The following SND1 variants were observed in gnomAD, a reference collection of about 807,000 sequenced individuals.
SND1 encodes the protein staphylococcal nuclease domain-containing protein 1.
A neutral mutation model predicts 121.7 loss-of-function variants in SND1; 38 were observed. The observed-to-expected ratio is 0.31, with a 90% CI of 0.24 to 0.41. The LOEUF (loss-of-function observed/expected upper bound fraction) is 0.41, where lower values mean the gene tolerates loss of function less well. Ranked by LOEUF, SND1 falls within the 10% of genes least tolerant of loss-of-function variation. The pLI is 1.00. For synonymous variants in SND1, 401 were observed against 447.4 expected (o/e 0.90, Z 1.31); for missense variants, 868 against 1,184.6 (o/e 0.73, Z 3.92).
chr7:127,756,245 G>A (rs769991411), intron 10 of SND1, among the ~76,000 whole-genome samples: 14 of 151,980 alleles, frequency 9.2e-5, no homozygotes, highest in Non-Finnish European at 1.8e-4. Context: ...TTCAGTTTGC[G>A]GCCTTTGATC....
In SND1 at chr7:127,701,348, T is replaced by G. The variant is rs1345126821; in HGVS notation, c.589+25T>G. Reference sequence around the variant, plus strand: ...GGTGAGGCTGGTGGGAACAGACAGATACGACTCAGGGTGATTTCTTTCTGT... The same window carrying G: ...GGTGAGGCTGGTGGGAACAGACAGAGACGACTCAGGGTGATTTCTTTCTGT... On this transcript the variant is annotated intron_variant, in intron 5 of 23. Transcript: ENST00000354725. 3.7e-6 allele frequency: 6 copies of G among 1,607,118 alleles called. No individual in the cohort carries two copies. The South Asian group carries it at 6.7e-5, about 18-fold the overall frequency.
In SND1 at chr7:127,704,898, G is replaced by C. The variant is rs368925468; in HGVS notation, c.900G>C (p.Ser300=). ...KEGFARCVDW[S]IAVYTRGAEK... Reference sequence around the variant, plus strand: ...GTTTCGCACGCTGTGTGGACTGGTCGATTGCAGTTTACACCCGGGGCGCAG... The same window carrying C: ...GTTTCGCACGCTGTGTGGACTGGTCCATTGCAGTTTACACCCGGGGCGCAG... The change falls in exon 8 of 24, where the codon TCG becomes TCC. Residue 300 remains serine, a synonymous_variant. Coordinates refer to ENST00000354725, the MANE Select transcript of SND1 (RefSeq NM_014390.4). The C allele has an allele frequency of 6.2e-7, 1 of 1,614,078 alleles. No homozygotes were observed. The highest frequency in any genetic ancestry group is 8.5e-7 in the Non-Finnish European group (1 of 1,179,974).
chr7:127,754,139 G>A (rs1230051815), intron 10 of SND1, among the ~76,000 whole-genome samples: 2 of 152,220 alleles, frequency 1.3e-5, no homozygotes, highest in Non-Finnish European at 2.9e-5. Context: ...TTGTGTCACA[G>A]TATCTTCTAT....
At position 127,706,504 on chromosome 7, in the gene SND1, C is replaced by T. The variant is rs562027731; in HGVS notation, c.948-1053C>T. Reference sequence around the variant, plus strand: ...CGATCTCCTGACCTCGTGATCCGCCCGCCTTGGCCTCCCAAAGTGCTGGGA... The same window carrying T: ...CGATCTCCTGACCTCGTGATCCGCCTGCCTTGGCCTCCCAAAGTGCTGGGA... On this transcript the variant is annotated intron_variant, in intron 8 of 23. Coordinates refer to ENST00000354725, the MANE Select transcript of SND1 (RefSeq NM_014390.4). 9.9e-5 allele frequency among the ~76,000 whole-genome samples: 15 copies of T among 152,172 alleles called. No individual in the cohort carries two copies. The South Asian group carries it at 2.1e-3, about 21-fold the overall frequency.
At chr7:128,001,144 C>T (rs967317755) in intron 16 of SND1, among the ~76,000 whole-genome samples, 1 of 152,146 alleles carries the variant, frequency 6.6e-6, no homozygotes, top group Non-Finnish European at 1.5e-5. Context: ...ATGAAAGTGA[C>T]CAATGGTCTG....
chr7:127,771,414 G>A (rs1797510752), intron 10 of SND1, among the ~76,000 whole-genome samples: 1 of 152,186 alleles, frequency 6.6e-6, no homozygotes, highest in African/African-American at 2.4e-5. Flanking sequence ...AGTTGGCACA[G>A]TATACTCTTA....
chr7:128,054,487 C>T (rs1793102619), intron 16 of SND1, among the ~76,000 whole-genome samples: 1 of 152,234 alleles, frequency 6.6e-6, no homozygotes, highest in Admixed American at 6.5e-5. Context: ...AGGTCCCCAC[C>T]TCACACATAG....
At chr7:127,948,057 AAGGGGAATAAAAT>A (rs1426390227) in intron 15 of SND1, among the ~76,000 whole-genome samples, 5 of 152,338 alleles carry the variant, frequency 3.3e-5, no homozygotes, top group African/African-American at 1.2e-4. Flanking sequence ...AACCTAATTC[AAGGGGAATAAAAT>A]AGGCGAAACA....
chr7:127,819,110 G>A (rs1251137474), intron 11 of SND1, among the ~76,000 whole-genome samples: 1 of 152,190 alleles, frequency 6.6e-6, no homozygotes. Context: ...GAGAATGTAA[G>A]CAAACAGTCA....
At chr7:127,685,803 G>A (rs1319212272) in intron 1 of SND1, 1 of 152,278 alleles carries the variant, frequency 6.6e-6, no homozygotes, top group Non-Finnish European at 1.5e-5. Context: ...CTGTCCACAA[G>A]GGACACTCTA....
At chr7:127,912,942 A>C (rs1388566042) in intron 14 of SND1, among the ~76,000 whole-genome samples, 1 of 152,236 alleles carries the variant, frequency 6.6e-6, no homozygotes, top group East Asian at 1.9e-4. Context: ...GTCTGGTTCC[A>C]AGTCTGTACC....
intron 13 of SND1, among the ~76,000 whole-genome samples, chr7:127,889,353 T>G (rs78219461): frequency 1.3e-5 from 2 of 148,794 alleles, no homozygotes; most frequent in Non-Finnish European, 3.0e-5. Flanking sequence ...TTCTGTTTTG[T>G]TTTTTTTTTA....
At chr7:128,009,410 G>A (rs760978640) in intron 16 of SND1, among the ~76,000 whole-genome samples, 19 of 152,212 alleles carry the variant, frequency 1.2e-4, no homozygotes, top group Non-Finnish European at 2.6e-4. Flanking sequence ...AAGGGGTTTC[G>A]GAAACTACTC....
At chr7:127,984,305 G>A (rs548402742) in intron 15 of SND1, among the ~76,000 whole-genome samples, 4 of 152,196 alleles carry the variant, frequency 2.6e-5, no homozygotes, top group South Asian at 2.1e-4. Flanking sequence ...GTTAAACCAC[G>A]TTCTCTAAAT....
chr7:127,844,444 T>A lies in SND1; in HGVS notation c.1343+20T>A. On this transcript the variant is annotated intron_variant, in intron 12 of 23. Transcript: ENST00000354725. ...AGGAATGTGAGTGTTCTGGCTGGCA[T>A]GGACTCAGCTGTCATCTCAAGTAGC... 1 of 1,578,552 alleles carries A rather than the reference T, an allele frequency of 6.3e-7. No individual in the cohort carries two copies.
intron 9 of SND1, among the ~76,000 whole-genome samples, chr7:127,720,776 C>T (rs115105081): frequency 2.6e-5 from 4 of 152,130 alleles, no homozygotes; most frequent in Non-Finnish European, 2.9e-5. Flanking sequence ...CATCTCCTTT[C>T]CCATGCTGAG....
At position 127,704,096 on chromosome 7, in the gene SND1, C is replaced by G. The variant is rs963400632; in HGVS notation, c.841-743C>G. 5.9e-5 allele frequency among the ~76,000 whole-genome samples: 9 copies of G among 152,142 alleles called. No homozygotes were observed. The East Asian group carries it at 1.7e-3, about 29-fold the overall frequency. ...GTAGGTTCTTTATGTTCTTATAGTT[C>G]CGATTCTTGGATGTTTTACCTTATT... is the stretch of plus-strand genomic sequence containing the variant. On this transcript the variant is annotated intron_variant, in intron 7 of 23. Transcript: ENST00000354725.
At chr7:127,735,621 T>G (rs187682818) in intron 10 of SND1, among the ~76,000 whole-genome samples, 169 of 152,192 alleles carry the variant, frequency 1.1e-3, no homozygotes, top group South Asian at 2.7e-3. Context: ...CCTGTTTTTT[T>G]TTGTTGTTGT....
intron 10 of SND1, among the ~76,000 whole-genome samples, chr7:127,729,218 T>A (rs1796631661): frequency 6.6e-6 from 1 of 152,174 alleles, no homozygotes; most frequent in African/African-American, 2.4e-5. Flanking sequence ...ATATCTTCCT[T>A]TCATAGTAGT....
Sources: gnomAD v4.1 joint callset for allele counts (sites outside exome capture counted in the v4.1 genomes callset) on GRCh38, gnomAD v4.1.1 for gene constraint, MANE v1.5 for transcripts, NCBI Gene and HGNC (gene_info 2026-07-23, HGNC 2026-07-21) for gene names.